CACNA2D3: variants seen among roughly 807,000 people sequenced by gnomAD.
CACNA2D3 encodes calcium voltage-gated channel auxiliary subunit alpha2delta 3, also known as voltage-dependent calcium channel subunit alpha-2/delta-3.
A neutral mutation model predicts 160.6 loss-of-function variants in CACNA2D3; 60 were observed. The observed-to-expected ratio is 0.37, with a 90% CI of 0.30 to 0.46. The LOEUF (loss-of-function observed/expected upper bound fraction) is 0.46. Ranked by LOEUF, CACNA2D3 falls within the 20% of genes least tolerant of loss-of-function variation. CACNA2D3 has a pLI of 1.00. For missense variants in CACNA2D3, 1,205 were observed against 1,365.0 expected, an observed-to-expected ratio of 0.88 and a Z score of 1.85; for synonymous variants, 558 against 492.9, an observed-to-expected ratio of 1.13 and a Z score of -1.75.
intron 2 of CACNA2D3, among the ~76,000 whole-genome samples, chr3:54,317,862 G>A (rs576186818): frequency 7.0e-4 from 107 of 152,172 alleles, no homozygotes; most frequent in African/African-American, 2.4e-3. Flanking sequence ...TATAACACAC[G>A]CAGTTTCTCC....
At chr3:54,957,826 C>A (rs1035815450) in intron 27 of CACNA2D3, among the ~76,000 whole-genome samples, 28 of 152,186 alleles carry the variant, frequency 1.8e-4, no homozygotes, top group African/African-American at 6.3e-4. Flanking sequence ...CAGACACAAA[C>A]CATGCATCCC....
In CACNA2D3 at chr3:55,042,420, C is replaced by G. The variant is rs537277029; in HGVS notation, c.2987+24103C>G. Among the ~76,000 whole-genome samples the G allele has an allele frequency of 1.2e-4, 19 of 152,208 alleles. 1 individual carries two copies. In the South Asian group the frequency reaches 3.1e-3, roughly 25 times the overall value. On this transcript the variant is annotated intron_variant, in intron 35 of 37. Transcript: ENST00000474759. ...TCTTAGAATATGGCCGTCTTTATCT[C>G]TGGTGACATCCTTTGTCTTTGTCTG... is the stretch of plus-strand genomic sequence containing the variant.
intron 2 of CACNA2D3, among the ~76,000 whole-genome samples, chr3:54,227,138 A>G (rs1701687659): frequency 1.3e-5 from 2 of 152,236 alleles, no homozygotes; most frequent in Non-Finnish European, 2.9e-5. Flanking sequence ...AACAACATGA[A>G]TAGAACAGTA....
intron 9 of CACNA2D3, among the ~76,000 whole-genome samples, chr3:54,625,468 G>A (rs1437769585): frequency 6.6e-6 from 1 of 152,142 alleles, no homozygotes; most frequent in Non-Finnish European, 1.5e-5. Flanking sequence ...TCACATGATT[G>A]TCATGAAGAC....
At chr3:54,369,581 T>A (rs1234203222) in intron 3 of CACNA2D3, among the ~76,000 whole-genome samples, 2 of 152,214 alleles carry the variant, frequency 1.3e-5, no homozygotes, top group African/African-American at 4.8e-5. Flanking sequence ...AGACTGATGG[T>A]CCAGGCTGGT....
chr3:55,006,813 C>G (rs1257551758), intron 32 of CACNA2D3, among the ~76,000 whole-genome samples: 2 of 152,180 alleles, frequency 1.3e-5, no homozygotes, highest in African/African-American at 4.8e-5. Flanking sequence ...TGGATAATTC[C>G]TCCATTCTCA....
chr3:54,533,360 G>C (rs1420897356), intron 5 of CACNA2D3, among the ~76,000 whole-genome samples: 1 of 113,614 alleles, frequency 8.8e-6, no homozygotes, highest in Admixed American at 1.2e-4. Flanking sequence ...TTTTGAGACA[G>C]AGTCTCATTC....
At chr3:54,171,135 A>AATTTTTTTT (rs1700557445) in intron 2 of CACNA2D3, among the ~76,000 whole-genome samples, 1 of 18,754 alleles carries the variant, frequency 5.3e-5, no homozygotes, top group Non-Finnish European at 1.1e-4. Context: ...AAAGATGATG[A>AATTTTTTTT]CTTTTTTTTT....
chr3:54,349,872 A>G (rs1698522882), intron 3 of CACNA2D3, among the ~76,000 whole-genome samples: 1 of 152,214 alleles, frequency 6.6e-6, no homozygotes, highest in African/African-American at 2.4e-5. Flanking sequence ...TGTTCAGAGC[A>G]GTTGCTCATC....
chr3:54,237,757 C>G (rs1701909890), intron 2 of CACNA2D3, among the ~76,000 whole-genome samples: 1 of 152,202 alleles, frequency 6.6e-6, no homozygotes, highest in Non-Finnish European at 1.5e-5. Flanking sequence ...GACTCTGGCT[C>G]AGTTTCCCCT....
chr3:54,123,089 T>C (rs569092731), intron 1 of CACNA2D3, among the ~76,000 whole-genome samples: 2 of 152,294 alleles, frequency 1.3e-5, no homozygotes, highest in East Asian at 3.9e-4. Context: ...GGAGCCTGGT[T>C]ACCGAATCCA....
intron 25 of CACNA2D3, among the ~76,000 whole-genome samples, chr3:54,893,402 T>G (rs1016719411): frequency 7.2e-6 from 1 of 139,632 alleles, no homozygotes; most frequent in Non-Finnish European, 1.6e-5. Context: ...ACAATTTGAA[T>G]GGATGAAATC....
At chr3:55,001,935 G>C (rs9883364) in intron 31 of CACNA2D3, among the ~76,000 whole-genome samples, 1 of 152,076 alleles carries the variant, frequency 6.6e-6, no homozygotes, top group African/African-American at 2.4e-5. Flanking sequence ...GAGGCAGGTG[G>C]ATCACAAGGT....
chr3:54,769,764 G>A (rs13092066), intron 13 of CACNA2D3, among the ~76,000 whole-genome samples: 35,357 of 152,126 alleles, frequency 0.23, 4,252 homozygotes, highest in Admixed American at 0.29. Flanking sequence ...TCACATAGTA[G>A]CTACATGATT....
chr3:54,877,278 C>T (rs139157685), intron 18 of CACNA2D3: 67 of 152,302 alleles, frequency 4.4e-4, no homozygotes, highest in African/African-American at 1.6e-3. Flanking sequence ...AGTCCGAATC[C>T]TGATGCTTTA....
At chr3:54,762,436 G>A (rs1702096532) in intron 12 of CACNA2D3, among the ~76,000 whole-genome samples, 1 of 152,208 alleles carries the variant, frequency 6.6e-6, no homozygotes, top group South Asian at 2.1e-4. Flanking sequence ...TTGATTGGCT[G>A]TGCCTGTTGT....
chr3:54,257,868 G>A (rs1440964255), intron 2 of CACNA2D3, among the ~76,000 whole-genome samples: 1 of 152,192 alleles, frequency 6.6e-6, no homozygotes, highest in Non-Finnish European at 1.5e-5. Flanking sequence ...ATCCAGGTAG[G>A]AAGTCAAGAA....
intron 2 of CACNA2D3, among the ~76,000 whole-genome samples, chr3:54,317,288 C>T (rs1171703548): frequency 6.6e-6 from 1 of 152,240 alleles, no homozygotes; most frequent in Non-Finnish European, 1.5e-5. Flanking sequence ...GAGGCCAATC[C>T]AGTCAACCTC....
intron 2 of CACNA2D3, among the ~76,000 whole-genome samples, chr3:54,261,454 T>G (rs1266275332): frequency 6.6e-6 from 1 of 152,220 alleles, no homozygotes. Flanking sequence ...TATTAATTGC[T>G]GAATGCTCCC....
Sources: gnomAD v4.1 joint callset for allele counts (sites outside exome capture counted in the v4.1 genomes callset) on GRCh38, gnomAD v4.1.1 for gene constraint, MANE v1.5 for transcripts, NCBI Gene and HGNC (gene_info 2026-07-23, HGNC 2026-07-21) for gene names.